The following RUNX1 variants were observed in gnomAD, a reference collection of about 807,000 sequenced individuals.
The protein encoded by RUNX1 is RUNX family transcription factor 1.
Under a neutral mutation model 42.8 loss-of-function variants are expected in RUNX1, and 19 were observed. The ratio of observed to expected loss-of-function variants is 0.44; its 90% confidence interval spans 0.31 to 0.65. The LOEUF is 0.65. RUNX1 is among the 30% of genes least tolerant of loss of function. The pLI is 0.07. For synonymous variants in RUNX1, 271 were observed against 289.4 expected, an observed-to-expected ratio of 0.94 and a Z score of 0.64; for missense variants, 528 against 672.0, an observed-to-expected ratio of 0.79 and a Z score of 2.37.
At chr21:34,905,207 A>T (rs1450083657) in intron 2 of RUNX1, among the ~76,000 whole-genome samples, 1 of 152,238 alleles carries the variant, frequency 6.6e-6, no homozygotes. Context: ...GGCAAATTGA[A>T]CGACAACATG....
At chr21:34,932,435 G>T (rs2058454385) in intron 2 of RUNX1, among the ~76,000 whole-genome samples, 1 of 152,094 alleles carries the variant, frequency 6.6e-6, no homozygotes, top group South Asian at 2.1e-4. Context: ...TTATACCACT[G>T]CTGGGTTGTG....
At chr21:34,860,510 T>C (rs1320196546) in intron 5 of RUNX1, among the ~76,000 whole-genome samples, 1 of 147,090 alleles carries the variant, frequency 6.8e-6, no homozygotes, top group South Asian at 2.2e-4. Context: ...GCACACGGTA[T>C]TCAACAGGGT....
rs547989384 is a variant in RUNX1 at position 34,943,556 on chromosome 21, T to C, written c.59-50593A>G. Among the ~76,000 whole-genome samples the C allele has an allele frequency of 4.6e-5, 7 of 152,342 alleles. No homozygotes were observed. In the South Asian group the frequency reaches 8.3e-4, roughly 18 times the overall value. ...TTCATACAAAAGACAGAAGTTGTTA[T>C]AGAAAGCCAATATGGCTTGGGGAGG... On this transcript the variant is annotated intron_variant, in intron 2 of 8. Transcript: ENST00000675419.
In RUNX1 at chr21:34,887,427, C is replaced by T. The variant is rs907819338; in HGVS notation, c.98-331G>A. The T allele has an allele frequency of 3.8e-6, 5 of 1,325,210 alleles. No individual in the cohort carries two copies. The African/African-American group carries it at 5.9e-5, about 16-fold the overall frequency. 82.1% of individuals were successfully genotyped at this position (1,325,210 alleles called of 1,614,324 possible). A position where few individuals can be genotyped will look rare whatever the true frequency, so the allele number is the denominator to read the frequency against. ...CTTGCTTGCAGAGGTTAAGTTCTGT[C>T]TTTGGCTGTTAGAAAAGTTCCTGAA... On this transcript the variant is annotated intron_variant, in intron 3 of 8. Transcript: ENST00000675419.
chr21:35,009,731 C>T (rs1430154815), intron 2 of RUNX1, among the ~76,000 whole-genome samples: 1 of 152,100 alleles, frequency 6.6e-6, no homozygotes, highest in Non-Finnish European at 1.5e-5. Flanking sequence ...ACACACCATG[C>T]TTCTGATTTA....
intron 2 of RUNX1, among the ~76,000 whole-genome samples, chr21:35,032,516 C>G (rs755461684): frequency 6.6e-6 from 1 of 152,240 alleles, no homozygotes; most frequent in Non-Finnish European, 1.5e-5. Context: ...ACTTTATGAT[C>G]AGTCCCGTGA....
intron 6 of RUNX1, among the ~76,000 whole-genome samples, chr21:34,837,789 A>G (rs536705604): frequency 4.7e-4 from 71 of 152,294 alleles, no homozygotes; most frequent in African/African-American, 1.7e-3. Flanking sequence ...TTTGGAATCA[A>G]CTGTGAATGT....
chr21:35,047,557 A>ACTCTCT (rs2059407769), intron 2 of RUNX1, among the ~76,000 whole-genome samples: 14 of 75,810 alleles, frequency 1.8e-4, no homozygotes, highest in African/African-American at 8.2e-4. Context: ...ACACACACAC[A>ACTCTCT]CACACTCTCT....
At chr21:35,005,529 C>T (rs903727300) in intron 2 of RUNX1, among the ~76,000 whole-genome samples, 2 of 152,118 alleles carry the variant, frequency 1.3e-5, no homozygotes, top group Admixed American at 1.3e-4. Context: ...TATCAGTTTT[C>T]CAGACATACT....
At chr21:34,977,652 A>G (rs2058813093) in intron 2 of RUNX1, among the ~76,000 whole-genome samples, 1 of 152,198 alleles carries the variant, frequency 6.6e-6, no homozygotes, top group African/African-American at 2.4e-5. Context: ...TTTGATCCAG[A>G]CTGGATTATG....
rs1367502303 is a variant in RUNX1 at position 34,791,241 on chromosome 21, T to C, written c.*894A>G. 8.6e-6 allele frequency: 2 copies of C among 233,136 alleles called. No individual in the cohort carries two copies. Among genetic ancestry groups the C allele is most frequent in the Non-Finnish European group, 1.7e-5 (2 of 117,812 alleles). 14.4% of individuals were successfully genotyped at this position (233,136 alleles called of 1,614,324 possible). On this transcript the variant is annotated 3_prime_UTR_variant, in exon 9 of 9. Transcript: ENST00000675419. ...TCTTTTTTTCTAGCCTTCTTCAATGTGATACATTTAACTTTGGCTACTATC... is the reference window on the plus strand; with the variant it reads ...TCTTTTTTTCTAGCCTTCTTCAATGCGATACATTTAACTTTGGCTACTATC...
chr21:34,865,001 C>T (rs1462229548), intron 5 of RUNX1, among the ~76,000 whole-genome samples: 2 of 152,044 alleles, frequency 1.3e-5, no homozygotes, highest in East Asian at 3.8e-4. Context: ...AGCTGTGTGA[C>T]CTCAGGCAAG....
chr21:34,803,706 T>C (rs2056640526), intron 7 of RUNX1, among the ~76,000 whole-genome samples: 1 of 152,192 alleles, frequency 6.6e-6, no homozygotes, highest in Admixed American at 6.5e-5. Context: ...TCATCAATAA[T>C]GGGTAAAACA....
chr21:34,802,205 G>A (rs951092830), intron 7 of RUNX1, among the ~76,000 whole-genome samples: 1 of 152,242 alleles, frequency 6.6e-6, no homozygotes, highest in African/African-American at 2.4e-5. Flanking sequence ...GGCTGAGGAA[G>A]AGAACCACTG....
intron 5 of RUNX1, among the ~76,000 whole-genome samples, chr21:34,874,819 C>T (rs750062830): frequency 6.6e-6 from 1 of 152,062 alleles, no homozygotes; most frequent in African/African-American, 2.4e-5. Context: ...GGGTTGCAGC[C>T]GTTGGCTGGA....
chr21:34,801,457 C>G (rs546911243), intron 7 of RUNX1, among the ~76,000 whole-genome samples: 8 of 152,190 alleles, frequency 5.3e-5, no homozygotes, highest in Non-Finnish European at 7.3e-5. Flanking sequence ...TATTTCACAG[C>G]CTTTAAAAAA....
chr21:34,839,272 G>A (rs530361030), intron 6 of RUNX1, among the ~76,000 whole-genome samples: 2 of 151,166 alleles, frequency 1.3e-5, no homozygotes, highest in South Asian at 4.2e-4. Flanking sequence ...TGTACACTCA[G>A]TGCACCTAGA....
intron 2 of RUNX1, among the ~76,000 whole-genome samples, chr21:34,977,924 C>A (rs2834710): frequency 6.6e-6 from 1 of 150,912 alleles, no homozygotes; most frequent in Non-Finnish European, 1.5e-5. Flanking sequence ...GAGTAAACAG[C>A]ATTTTTTTTT....
chr21:34,890,671 TTAC>T (rs962427217), intron 3 of RUNX1, among the ~76,000 whole-genome samples: 8 of 152,178 alleles, frequency 5.3e-5, no homozygotes, highest in South Asian at 4.1e-4. Context: ...GAAAGAAAAC[TTAC>T]TACATTTTTC....
Sources: allele counts gnomAD v4.1 joint callset (sites outside exome capture counted in the v4.1 genomes callset), GRCh38; gene constraint gnomAD v4.1.1; transcripts MANE v1.5; gene names NCBI Gene and HGNC (gene_info 2026-07-23, HGNC 2026-07-21).